The following CYB561A3 variants were observed in gnomAD, a reference collection of about 807,000 sequenced individuals.
CYB561A3 encodes cytochrome b561 family member A3, also known as lysosomal membrane ascorbate-dependent ferrireductase CYB561A3.
A neutral mutation model predicts 25.3 loss-of-function variants in CYB561A3; 16 were observed. The ratio of observed to expected loss-of-function variants is 0.63; its 90% CI spans 0.43 to 0.96. The LOEUF (loss-of-function observed/expected upper bound fraction) is 0.96. Among genes scored for constraint, CYB561A3 ranks in the 40% least tolerant of loss-of-function variants. CYB561A3 has a pLI of 0.00. For synonymous variants in CYB561A3, 131 were observed against 129.9 expected (o/e 1.01, Z -0.06); for missense variants, 219 against 307.5 (o/e 0.71, Z 2.15).
At chr11:61,350,476 C>A in intron 6 of CYB561A3, 54 bp from the exon 7 acceptor site, 1 of 1,600,224 alleles carries the variant, frequency 6.2e-7, no homozygotes, top group Admixed American at 1.7e-5. Flanking sequence ...GGAGTCACAC[C>A]AGGCCCAAGC....
At chr11:61,357,391 A>G (rs925887848) in intron 2 of CYB561A3, 2 of 620,250 alleles carry the variant, frequency 3.2e-6, no homozygotes, top group Non-Finnish European at 5.5e-6. Flanking sequence ...GTCCAGAGAA[A>G]AAAAGAGGAA....
intron 1 of CYB561A3, chr11:61,359,087 G>A (rs1375038271): frequency 6.6e-6 from 1 of 152,186 alleles, no homozygotes; most frequent in Non-Finnish European, 1.5e-5. Context: ...TGCTGGGTGT[G>A]GTGGCGCACG....
upstream of CYB561A3, chr11:61,362,106 G>A (rs921314484): frequency 3.3e-5 from 5 of 152,424 alleles, no homozygotes; most frequent in Non-Finnish European, 7.3e-5. Flanking sequence ...CCCCCATCCA[G>A]AGGAGGCGGA....
At chr11:61,350,739 C>G in intron 6 of CYB561A3, 1 of 600,588 alleles carries the variant, frequency 1.7e-6, no homozygotes, top group Non-Finnish European at 2.8e-6. Context: ...CACTTCACCC[C>G]ACAGAACCAC....
chr11:61,349,850 G>A lies in CYB561A3; in HGVS notation c.*549C>T. ...CAGATGAAGCCTGCTCTGTGGCGGGGCAGCCTAACTGAAATGCACACCTTT... is the reference window on the plus strand; with the variant it reads ...CAGATGAAGCCTGCTCTGTGGCGGGACAGCCTAACTGAAATGCACACCTTT... On this transcript the variant is annotated 3_prime_UTR_variant, in exon 7 of 7. Transcript: ENST00000294072. 2 of 573,228 alleles carry A rather than the reference G, an allele frequency of 3.5e-6. No homozygotes were observed. The highest frequency in any genetic ancestry group is 6.3e-6 in the Non-Finnish European group (2 of 318,014). 35.5% of individuals were successfully genotyped at this position (573,228 alleles called of 1,614,324 possible).
At chr11:61,353,399 T>C (rs1857509545) in intron 4 of CYB561A3, 2 of 607,338 alleles carry the variant, frequency 3.3e-6, no homozygotes, top group African/African-American at 3.7e-5. Context: ...TTCCTTCCAG[T>C]CCTTGCTCAT....
intron 6 of CYB561A3, 200 bp downstream of exon 6, chr11:61,350,791 G>A (rs1021948952): frequency 4.3e-6 from 3 of 702,772 alleles, no homozygotes; most frequent in African/African-American, 1.8e-5. Context: ...TGGACAGACT[G>A]GGGAGTCCCA....
Position 61,353,998 on chromosome 11 carries a change from G to A in CYB561A3, c.185-6C>T. On this transcript the variant is annotated splice_region_variant and splice_polypyrimidine_tract_variant and intron_variant, in intron 3 of 6. Coordinates refer to ENST00000294072, the MANE Select transcript of CYB561A3 (RefSeq NM_153611.6). ...CAGGCGGTACACCAGTGACGCTGCA[G>A]GAGAGAGTAGTGCCAGGGCTCAGCC... 6.2e-7 allele frequency: 1 copy of A among 1,613,938 alleles called. No individual in the cohort carries two copies. Among genetic ancestry groups the A allele is most frequent in the Non-Finnish European group, 8.5e-7 (1 of 1,180,004 alleles).
intron 3 of CYB561A3, 74 bp downstream of exon 3, chr11:61,356,456 A>C: frequency 1.4e-6 from 2 of 1,384,282 alleles, no homozygotes; most frequent in Admixed American, 2.1e-5. Context: ...TACAAAGGCC[A>C]GCCTTGGAGA....
Position 61,353,094 on chromosome 11 carries a change from A to T in CYB561A3, c.439T>A (p.Trp147Arg). Residue 147 changes from tryptophan to arginine, a missense_variant, in exon 5 of 7, where the codon TGG becomes AGG. Trp to Arg is a moderately radical substitution (Grantham distance 101). Coordinates refer to ENST00000294072, the MANE Select transcript of CYB561A3 (RefSeq NM_153611.6). ...ATAGGTTTTAGGAGGCTGCGCAGCC[A>T]CATGGACGCCCAGGGCAGGAGGAAG... ...AVFLLPWASM[W>R]LRSLLKPIHV... 1 of 1,613,638 alleles carries T rather than the reference A, an allele frequency of 6.2e-7. No individual in the cohort carries two copies. Among genetic ancestry groups the T allele is most frequent in the Non-Finnish European group, 8.5e-7 (1 of 1,179,844 alleles).
At chr11:61,352,944 C>T in intron 5 of CYB561A3, 41 bp downstream of exon 5, 2 of 1,613,958 alleles carry the variant, frequency 1.2e-6, no homozygotes, top group Non-Finnish European at 1.7e-6. Context: ...GACCCTATTC[C>T]CTCCTCTTCA....
Position 61,350,982 on chromosome 11 carries a change from A to C in CYB561A3, c.705+9T>G, listed in dbSNP as rs1857377440. On this transcript the variant is annotated intron_variant, in intron 6 of 6. Transcript: ENST00000294072. ...GTCCCACCCTGGAATGTGGGACTGG[A>C]ACCCATACCTGTCTGTCGGTCAGGA... The C allele has an allele frequency of 6.2e-7, 1 of 1,610,710 alleles. No individual in the cohort carries two copies. The highest frequency in any genetic ancestry group is 8.5e-7 in the Non-Finnish European group (1 of 1,178,498).
chr11:61,352,970 C>T lies in CYB561A3; in HGVS notation c.548+15G>A. On this transcript the variant is annotated intron_variant, in intron 5 of 6. Coordinates refer to ENST00000294072, the MANE Select transcript of CYB561A3 (RefSeq NM_153611.6). ...CTCCTCTTCACCTTAGAGTTGGGGA[C>T]CCCACTGCACTCACAAACTGAAGAA... 1.9e-6 allele frequency: 3 copies of T among 1,614,084 alleles called. No homozygotes were observed. Among genetic ancestry groups the T allele is most frequent in the Non-Finnish European group, 2.5e-6 (3 of 1,180,018 alleles).
chr11:61,353,375 T>G (rs1368618220), intron 4 of CYB561A3: 3 of 614,838 alleles, frequency 4.9e-6, no homozygotes, highest in Non-Finnish European at 8.5e-6. Flanking sequence ...CCCAACCACC[T>G]TGTTTGTCTC....
chr11:61,349,425 A>G lies in CYB561A3; in HGVS notation c.*974T>C. Reference sequence around the variant, plus strand: ...GGGCTGGGGCCCTGCCAAGAGAGCAAGGCCAGACCTGCCCAGCGGGAGGCA... The same window carrying G: ...GGGCTGGGGCCCTGCCAAGAGAGCAGGGCCAGACCTGCCCAGCGGGAGGCA... On this transcript the variant is annotated 3_prime_UTR_variant, in exon 7 of 7. Coordinates refer to ENST00000294072, the MANE Select transcript of CYB561A3 (RefSeq NM_153611.6). 1 of 642,374 alleles carries G rather than the reference A, an allele frequency of 1.6e-6. No individual in the cohort carries two copies. The highest frequency in any genetic ancestry group is 1.7e-5 in the South Asian group (1 of 58,930). The allele number at this position is 642,374 out of a possible 1,614,324, so 39.8% of individuals were successfully genotyped here.
At chr11:61,355,380 T>C (rs894230821) in intron 3 of CYB561A3, among the ~76,000 whole-genome samples, 1 of 152,048 alleles carries the variant, frequency 6.6e-6, no homozygotes, top group African/African-American at 2.4e-5. Flanking sequence ...GGGACAAAGA[T>C]TACAAAGATG....
intron 5 of CYB561A3, 196 bp downstream of exon 5, chr11:61,352,784 TCAAAC>T (rs1857475317): frequency 7.0e-7 from 1 of 1,432,202 alleles, no homozygotes; most frequent in East Asian, 2.5e-5. Flanking sequence ...AGGTGCTAAA[TCAAAC>T]TGATGCTCAA....
chr11:61,349,153 C>G lies in CYB561A3; in HGVS notation c.*1246G>C. 5.0e-6 allele frequency: 1 copy of G among 198,850 alleles called. No homozygotes were observed. The allele number at this position is 198,850 out of a possible 1,614,324, so 12.3% of individuals were successfully genotyped here. A position where few individuals can be genotyped will look rare whatever the true frequency, so the allele number is the denominator to read the frequency against. On this transcript the variant is annotated 3_prime_UTR_variant, in exon 7 of 7. Transcript: ENST00000294072. ...GAAGGCAAAAAAGCCACAGCAGCAACACTTAGGAGCAAGACCCTTCCCGCT... is the reference window on the plus strand; with the variant it reads ...GAAGGCAAAAAAGCCACAGCAGCAAGACTTAGGAGCAAGACCCTTCCCGCT...
intron 5 of CYB561A3, chr11:61,352,766 C>CAA (rs1246203629): frequency 7.2e-7 from 1 of 1,391,822 alleles, no homozygotes; most frequent in Non-Finnish European, 9.4e-7. Context: ...CTGTTTCTGA[C>CAA]ACACAGCAGG....
Sources: allele counts gnomAD v4.1 joint callset (sites outside exome capture counted in the v4.1 genomes callset), GRCh38; gene constraint gnomAD v4.1.1; transcripts MANE v1.5; gene names NCBI Gene and HGNC (gene_info 2026-07-23, HGNC 2026-07-21).